Variants in ZBTB44 observed in about 807,000 individuals in gnomAD.
The protein encoded by ZBTB44 is zinc finger and BTB domain-containing protein 44.
A neutral mutation model predicts 54.0 loss-of-function variants in ZBTB44; 15 were observed. The ratio of observed to expected loss-of-function variants is 0.28; its 90% confidence interval spans 0.19 to 0.43. The LOEUF is 0.43. Among genes scored for constraint, ZBTB44 ranks in the 20% least tolerant of loss-of-function variants. The probability of loss-of-function intolerance (pLI) is 1.00; values close to 1 mark genes in which losing one functional copy is unlikely to be tolerated. For synonymous variants in ZBTB44, 230 were observed against 250.1 expected (o/e 0.92, Z 0.76); for missense variants, 487 against 707.1 (o/e 0.69, Z 3.53).
chr11:130,265,282 A>AGT (rs1939171922), intron 1 of ZBTB44, among the ~76,000 whole-genome samples: 1 of 152,112 alleles, frequency 6.6e-6, no homozygotes, highest in Admixed American at 6.5e-5. Context: ...GCTGGAGTGC[A>AGT]GTGGCACAAT....
chr11:130,230,252 T>A lies in ZBTB44; in HGVS notation c.*1512A>T, dbSNP rs1456190081. ...AATTAGAAATAAAAGACTGAAAGAT[T>A]TAATACAGCTTCCAAAGGCTCCCAA... On this transcript the variant is annotated 3_prime_UTR_variant, in exon 8 of 8. Coordinates refer to ENST00000357899, the MANE Select transcript of ZBTB44 (RefSeq NM_001301098.2). The A allele has an allele frequency of 1.3e-5, 2 of 151,986 alleles. No homozygotes were observed. Among genetic ancestry groups the A allele is most frequent in the African/African-American group, 4.8e-5 (2 of 41,426 alleles). The allele number at this position is 151,986 out of a possible 1,614,324, so 9.4% of individuals were successfully genotyped here.
chr11:130,300,824 A>G (rs1434870208), intron 1 of ZBTB44, among the ~76,000 whole-genome samples: 1 of 152,222 alleles, frequency 6.6e-6, no homozygotes, highest in Non-Finnish European at 1.5e-5. Context: ...TACAGACATG[A>G]GGAAGTGAAA....
chr11:130,255,938 A>G (rs892696236), intron 2 of ZBTB44, among the ~76,000 whole-genome samples: 1 of 151,624 alleles, frequency 6.6e-6, no homozygotes, highest in Non-Finnish European at 1.5e-5. Flanking sequence ...TTCATGCTAT[A>G]AACTCTCCTG....
At chr11:130,291,359 G>A (rs916665689) in intron 1 of ZBTB44, among the ~76,000 whole-genome samples, 2 of 152,064 alleles carry the variant, frequency 1.3e-5, no homozygotes, top group African/African-American at 2.4e-5. Flanking sequence ...GGCTGGTCTC[G>A]AGCTCCTGAC....
chr11:130,229,182 A>T lies in ZBTB44; in HGVS notation c.*2582T>A, dbSNP rs1234406067. 6.6e-6 allele frequency: 1 copy of T among 152,182 alleles called. No individual in the cohort carries two copies. The highest frequency in any genetic ancestry group is 1.5e-5 in the Non-Finnish European group (1 of 68,034). 9.4% of individuals were successfully genotyped at this position (152,182 alleles called of 1,614,324 possible). A position where few individuals can be genotyped will look rare whatever the true frequency, so the allele number is the denominator to read the frequency against. On this transcript the variant is annotated 3_prime_UTR_variant, in exon 8 of 8. Transcript: ENST00000357899. ...TGAAATCTTTGCAGAGACTATTTAT[A>T]AAAACATGGAAGTGTTTTTATTTTC...
intron 1 of ZBTB44, among the ~76,000 whole-genome samples, chr11:130,274,763 A>G (rs1939936983): frequency 6.6e-6 from 1 of 152,190 alleles, no homozygotes; most frequent in Admixed American, 6.5e-5. Context: ...TCAGTTTGCT[A>G]GTACTTTGTT....
intron 2 of ZBTB44, among the ~76,000 whole-genome samples, chr11:130,252,250 A>G (rs535482646): frequency 6.6e-6 from 1 of 152,348 alleles, no homozygotes; most frequent in East Asian, 1.9e-4. Context: ...TATATACGCA[A>G]TACAGAAGCA....
chr11:130,281,585 T>A (rs1484295807), intron 1 of ZBTB44, among the ~76,000 whole-genome samples: 1 of 150,836 alleles, frequency 6.6e-6, no homozygotes, highest in Non-Finnish European at 1.5e-5. Flanking sequence ...GTAGTTTTAT[T>A]GTTGTTGTTG....
At chr11:130,244,667 GAAAAAAAA>G (rs11360161) in intron 2 of ZBTB44, among the ~76,000 whole-genome samples, 1 of 104,794 alleles carries the variant, frequency 9.5e-6, no homozygotes, top group African/African-American at 3.3e-5. Flanking sequence ...ACTCTGTCTG[GAAAAAAAA>G]AAAAAAAAAA....
At chr11:130,263,746 C>T (rs1939046775) in intron 1 of ZBTB44, among the ~76,000 whole-genome samples, 1 of 152,158 alleles carries the variant, frequency 6.6e-6, no homozygotes, top group Admixed American at 6.5e-5. Flanking sequence ...CAGTCATCTT[C>T]CGTGTTCAAA....
At chr11:130,308,032 T>C (rs559276637) in intron 1 of ZBTB44, among the ~76,000 whole-genome samples, 22 of 152,314 alleles carry the variant, frequency 1.4e-4, no homozygotes, top group African/African-American at 5.1e-4. Flanking sequence ...AACCCTGTAA[T>C]ACCATATTTT....
chr11:130,268,837 C>T (rs1434589764), intron 1 of ZBTB44, among the ~76,000 whole-genome samples: 2 of 151,658 alleles, frequency 1.3e-5, no homozygotes, highest in Non-Finnish European at 2.9e-5. Context: ...GACTCAGCCT[C>T]CCAAAGCGCT....
rs1247106417 is a variant in ZBTB44 at position 130,230,364 on chromosome 11, T to A, written c.*1400A>T. The A allele has an allele frequency of 1.3e-5, 2 of 151,516 alleles. No individual in the cohort carries two copies. Among genetic ancestry groups the A allele is most frequent in the Non-Finnish European group, 3.0e-5 (2 of 67,792 alleles). The allele number at this position is 151,516 out of a possible 1,614,324, so 9.4% of individuals were successfully genotyped here. ...GTTACCAATAATTATGGACATCAGA[T>A]GTATTGACTAGTCTATTTCATTTGG... On this transcript the variant is annotated 3_prime_UTR_variant, in exon 8 of 8. Coordinates refer to ENST00000357899, the MANE Select transcript of ZBTB44 (RefSeq NM_001301098.2).
Position 130,239,835 on chromosome 11 carries a change from A to G in ZBTB44, c.1080T>C (p.Asn360=). Residue 360 remains asparagine, a synonymous_variant, in exon 3 of 8, where the codon AAT becomes AAC. Transcript: ENST00000357899. ...ACCGATCATCATCATCCGGAGGAGC[A>G]TTAGTGCTAGACGTGCTTTGAAGTG... is the stretch of plus-strand genomic sequence containing the variant. ...LPTLQSTSST[N]APPDDDDRLE... 1.2e-6 allele frequency: 2 copies of G among 1,612,682 alleles called. No individual in the cohort carries two copies. Among genetic ancestry groups the G allele is most frequent in the African/African-American group, 1.3e-5 (1 of 75,034 alleles).
At chr11:130,267,129 C>A (rs552138526) in intron 1 of ZBTB44, among the ~76,000 whole-genome samples, 1 of 151,824 alleles carries the variant, frequency 6.6e-6, no homozygotes, top group Non-Finnish European at 1.5e-5. Context: ...CTCAGTGTGA[C>A]GTCACATGCC....
chr11:130,237,560 G>A (rs1263560413), intron 4 of ZBTB44, among the ~76,000 whole-genome samples: 6 of 152,212 alleles, frequency 3.9e-5, no homozygotes, highest in African/African-American at 1.4e-4. Flanking sequence ...TGAATGTAAT[G>A]AGCATGACAG....
At chr11:130,248,791 T>C (rs1029789715) in intron 2 of ZBTB44, among the ~76,000 whole-genome samples, 1 of 152,140 alleles carries the variant, frequency 6.6e-6, no homozygotes, top group Non-Finnish European at 1.5e-5. Flanking sequence ...AGATTTGTTC[T>C]ACTTATTAAC....
intron 1 of ZBTB44, among the ~76,000 whole-genome samples, chr11:130,292,989 T>C (rs961994893): frequency 2.0e-5 from 3 of 152,226 alleles, no homozygotes; most frequent in Admixed American, 1.3e-4. Flanking sequence ...TCCCATGATA[T>C]GAACCAAGTT....
intron 1 of ZBTB44, among the ~76,000 whole-genome samples, chr11:130,300,062 G>A (rs932170926): frequency 6.6e-6 from 1 of 152,150 alleles, no homozygotes; most frequent in Non-Finnish European, 1.5e-5. Flanking sequence ...AATAATTAAG[G>A]AACAAATACC....
Sources: gnomAD v4.1 joint callset for allele counts (sites outside exome capture counted in the v4.1 genomes callset) on GRCh38, gnomAD v4.1.1 for gene constraint, MANE v1.5 for transcripts, NCBI Gene and HGNC (gene_info 2026-07-23, HGNC 2026-07-21) for gene names.